The following RPA3 variants were observed in gnomAD, a reference collection of about 807,000 sequenced individuals.
The protein encoded by RPA3 is replication protein A3.
In RPA3, 24 loss-of-function variants were observed where a neutral mutation model predicts 13.7. That is an observed-to-expected ratio of 1.75 (90% confidence interval 1.27 to 2.46). The LOEUF (loss-of-function observed/expected upper bound fraction) is 2.46. Ranked by LOEUF, RPA3 falls within the 30% of genes most tolerant of loss-of-function variation. RPA3 has a pLI of 0.00. For synonymous variants in RPA3, 59 were observed against 51.2 expected (o/e 1.15, Z -0.65); for missense variants, 183 against 151.0 (o/e 1.21, Z -1.11).
At chr7:7,649,437 C>G (rs1563082871) in intron 4 of RPA3, among the ~76,000 whole-genome samples, 1 of 152,110 alleles carries the variant, frequency 6.6e-6, no homozygotes. Flanking sequence ...ACCTGGTTAC[C>G]TTTTATAGGT....
At chr7:7,711,630 T>C (rs1750099720) in intron 2 of RPA3, among the ~76,000 whole-genome samples, 1 of 152,170 alleles carries the variant, frequency 6.6e-6, no homozygotes, top group Admixed American at 6.5e-5. Flanking sequence ...TTATGTTTAA[T>C]AGTCATATGT....
intron 4 of RPA3, among the ~76,000 whole-genome samples, chr7:7,667,773 A>G (rs1430733120): frequency 6.6e-6 from 1 of 152,222 alleles, no homozygotes; most frequent in East Asian, 1.9e-4. Flanking sequence ...AGAAAGTCCA[A>G]CACAGACGTC....
intron 4 of RPA3, among the ~76,000 whole-genome samples, chr7:7,675,754 G>A (rs10257718): frequency 0.66 from 100,258 of 151,998 alleles, 33,221 homozygotes; most frequent in East Asian, 0.86. Context: ...GTCATGGTGA[G>A]GAATCACTTC....
At chr7:7,681,735 A>T (rs1484830850) in intron 4 of RPA3, among the ~76,000 whole-genome samples, 1 of 152,140 alleles carries the variant, frequency 6.6e-6, no homozygotes, top group African/African-American at 2.4e-5. Flanking sequence ...GCATGGCACT[A>T]TTCGTAATTA....
At chr7:7,702,330 A>C (rs1013925192) in intron 2 of RPA3, among the ~76,000 whole-genome samples, 3 of 152,160 alleles carry the variant, frequency 2.0e-5, no homozygotes, top group African/African-American at 7.2e-5. Context: ...ACTGACTTTT[A>C]AGGAAAGATG....
intron 4 of RPA3, among the ~76,000 whole-genome samples, chr7:7,660,887 G>A (rs995880842): frequency 6.6e-6 from 1 of 152,236 alleles, no homozygotes; most frequent in African/African-American, 2.4e-5. Flanking sequence ...ATAATATCCT[G>A]AAGAGTGTTT....
At chr7:7,649,539 G>A (rs62451450) in intron 4 of RPA3, among the ~76,000 whole-genome samples, 10,601 of 152,156 alleles carry the variant, frequency 0.07, 489 homozygotes, top group Middle Eastern at 0.13. Context: ...TAATTTCCAC[G>A]TCAGTTTTTT....
chr7:7,669,016 C>A (rs1451395417), intron 4 of RPA3, among the ~76,000 whole-genome samples: 1 of 151,854 alleles, frequency 6.6e-6, no homozygotes, highest in African/African-American at 2.4e-5. Context: ...GGGAGAAAAC[C>A]CACACAGACG....
Position 7,640,443 on chromosome 7 carries a change from G to C in RPA3, c.-25C>G. On this transcript the variant is annotated 5_prime_UTR_variant, in exon 5 of 8. Transcript: ENST00000223129. Reference sequence around the variant, plus strand: ...TGATTATGGTCCAAGACTGCGGCTGGCGGGAAACCCACGGACGACTGAAAC... The same window carrying C: ...TGATTATGGTCCAAGACTGCGGCTGCCGGGAAACCCACGGACGACTGAAAC... 1.2e-6 allele frequency: 2 copies of C among 1,609,024 alleles called. No individual in the cohort carries two copies. Among genetic ancestry groups the C allele is most frequent in the East Asian group, 2.2e-5 (1 of 44,798 alleles).
At chr7:7,663,320 G>C (rs1438414729) in intron 4 of RPA3, among the ~76,000 whole-genome samples, 1 of 144,360 alleles carries the variant, frequency 6.9e-6, no homozygotes, top group Admixed American at 7.1e-5. Flanking sequence ...AAAAGTCTGA[G>C]CATAAATAAG....
intron 6 of RPA3, chr7:7,638,430 GAAAAT>G (rs1467469133): frequency 1.3e-5 from 2 of 153,024 alleles, no homozygotes; most frequent in East Asian, 1.9e-4. Context: ...AACAAAAATA[GAAAAT>G]AAAATAAAAT....
intron 7 of RPA3, among the ~76,000 whole-genome samples, chr7:7,637,371 T>A (rs141653473): frequency 2.0e-5 from 3 of 152,320 alleles, no homozygotes; most frequent in African/African-American, 7.2e-5. Context: ...AAAAAACTAA[T>A]ACTATTTTTG....
At chr7:7,662,677 G>A (rs1024023153) in intron 4 of RPA3, among the ~76,000 whole-genome samples, 3 of 152,088 alleles carry the variant, frequency 2.0e-5, no homozygotes, top group African/African-American at 4.8e-5. Flanking sequence ...GAGATGAGCC[G>A]GGTACCTCAG....
At chr7:7,704,790 A>AG in intron 2 of RPA3, among the ~76,000 whole-genome samples, 1 of 150,442 alleles carries the variant, frequency 6.6e-6, no homozygotes, top group East Asian at 1.9e-4. Context: ...AAAAAAAAAA[A>AG]AAAGACTTGC....
chr7:7,698,326 T>C (rs1195102516), intron 2 of RPA3, among the ~76,000 whole-genome samples: 1 of 152,208 alleles, frequency 6.6e-6, no homozygotes, highest in Non-Finnish European at 1.5e-5. Context: ...TAGTGCTTTT[T>C]AAAATAAGGT....
chr7:7,664,155 G>T (rs1779370788), intron 4 of RPA3, among the ~76,000 whole-genome samples: 1 of 152,138 alleles, frequency 6.6e-6, no homozygotes, highest in Admixed American at 6.5e-5. Context: ...TGGAAAATCA[G>T]ATTGAAATGG....
chr7:7,686,333 T>C (rs1349277172), intron 3 of RPA3, among the ~76,000 whole-genome samples: 1 of 152,194 alleles, frequency 6.6e-6, no homozygotes, highest in Non-Finnish European at 1.5e-5. Flanking sequence ...TTGTGTGGCC[T>C]TCTCAAATGT....
Position 7,640,439 on chromosome 7 carries a change from G to C in RPA3, c.-21C>G, listed in dbSNP as rs776086443. The C allele has an allele frequency of 6.8e-6, 11 of 1,610,972 alleles. No homozygotes were observed. The highest frequency in any genetic ancestry group is 4.5e-5 in the East Asian group (2 of 44,830). Reference sequence around the variant, plus strand: ...ACCATGATTATGGTCCAAGACTGCGGCTGGCGGGAAACCCACGGACGACTG... The same window carrying C: ...ACCATGATTATGGTCCAAGACTGCGCCTGGCGGGAAACCCACGGACGACTG... On this transcript the variant is annotated 5_prime_UTR_variant, in exon 5 of 8. Coordinates refer to ENST00000223129, the MANE Select transcript of RPA3 (RefSeq NM_002947.5).
At chr7:7,674,961 A>G (rs2115110995) in intron 4 of RPA3, among the ~76,000 whole-genome samples, 1 of 152,196 alleles carries the variant, frequency 6.6e-6, no homozygotes, top group South Asian at 2.1e-4. Context: ...TGAAGTCTTA[A>G]CACATATACA....
Sources: allele counts gnomAD v4.1 joint callset (sites outside exome capture counted in the v4.1 genomes callset), GRCh38; gene constraint gnomAD v4.1.1; transcripts MANE v1.5; gene names NCBI Gene and HGNC (gene_info 2026-07-23, HGNC 2026-07-21).